KAZN: variants seen among roughly 807,000 people sequenced by gnomAD.
KAZN encodes kazrin.
Under a neutral mutation model 87.4 loss-of-function variants are expected in KAZN, and 40 were observed. The ratio of observed to expected loss-of-function variants is 0.46; its 90% confidence interval spans 0.36 to 0.60. The LOEUF (loss-of-function observed/expected upper bound fraction) is 0.60, where lower values mean the gene tolerates loss of function less well. KAZN is among the 20% of genes least tolerant of loss of function. The pLI is 0.00. For missense variants in KAZN, 898 were observed against 1,073.9 expected, an observed-to-expected ratio of 0.84 and a Z score of 2.29; for synonymous variants, 466 against 458.3, an observed-to-expected ratio of 1.02 and a Z score of -0.22.
At chr1:14,295,217 T>C (rs1654020358) in intron 2 of KAZN, among the ~76,000 whole-genome samples, 1 of 152,232 alleles carries the variant, frequency 6.6e-6, no homozygotes, top group Non-Finnish European at 1.5e-5. Context: ...TATCAGGCCC[T>C]GATGACATTT....
chr1:14,614,206 T>C (rs1434978501), intron 1 of KAZN, among the ~76,000 whole-genome samples: 2 of 152,202 alleles, frequency 1.3e-5, no homozygotes, highest in East Asian at 3.9e-4. Context: ...AATGGCCTAA[T>C]CTCTCCAGCA....
intron 1 of KAZN, among the ~76,000 whole-genome samples, chr1:14,718,843 AG>A (rs1642945448): frequency 6.6e-6 from 1 of 152,158 alleles, no homozygotes; most frequent in South Asian, 2.1e-4. Flanking sequence ...CTGGATCCTT[AG>A]GGGACATCAT....
chr1:14,215,884 A>G (rs534298248), intron 2 of KAZN, among the ~76,000 whole-genome samples: 18 of 152,324 alleles, frequency 1.2e-4, no homozygotes, highest in African/African-American at 4.3e-4. Flanking sequence ...ATTAATGTTC[A>G]TCCAACTTCT....
intron 1 of KAZN, among the ~76,000 whole-genome samples, chr1:14,086,593 T>A (rs968163607): frequency 6.6e-6 from 1 of 152,254 alleles, no homozygotes; most frequent in Non-Finnish European, 1.5e-5. Flanking sequence ...TTTAAGTTTT[T>A]AAGTTCTAAA....
At chr1:14,204,318 A>T (rs544966342) in intron 2 of KAZN, among the ~76,000 whole-genome samples, 1 of 152,366 alleles carries the variant, frequency 6.6e-6, no homozygotes, top group South Asian at 2.1e-4. Flanking sequence ...TGTATAGGAC[A>T]TGCCAGGATT....
intron 1 of KAZN, among the ~76,000 whole-genome samples, chr1:14,042,067 A>T (rs1437524999): frequency 6.6e-6 from 1 of 152,070 alleles, no homozygotes; most frequent in Non-Finnish European, 1.5e-5. Context: ...GGGAAATTTT[A>T]AAATGTTTTT....
chr1:15,050,085 GTAGAGTAC>G (rs1332424267), intron 4 of KAZN, among the ~76,000 whole-genome samples: 18 of 85,578 alleles, frequency 2.1e-4, no homozygotes, highest in South Asian at 8.8e-4. Context: ...GTAGAGTACA[GTAGAGTAC>G]AGTAGAGTAG....
At chr1:14,436,425 G>C (rs1666386935) in intron 2 of KAZN, among the ~76,000 whole-genome samples, 1 of 152,040 alleles carries the variant, frequency 6.6e-6, no homozygotes, top group African/African-American at 2.4e-5. Flanking sequence ...CTTTGTGCCA[G>C]GCACTGATAT....
At chr1:14,221,598 C>T (rs1315010577) in intron 2 of KAZN, among the ~76,000 whole-genome samples, 1 of 152,084 alleles carries the variant, frequency 6.6e-6, no homozygotes, top group Non-Finnish European at 1.5e-5. Context: ...TATTTTCTGG[C>T]TTATTATAAT....
At chr1:14,933,080 G>T (rs1309702510) in intron 1 of KAZN, among the ~76,000 whole-genome samples, 1 of 152,048 alleles carries the variant, frequency 6.6e-6, no homozygotes, top group African/African-American at 2.4e-5. Flanking sequence ...GTAGTTGCAG[G>T]GTTCTGCACT....
At chr1:14,393,880 C>T (rs575292605) in intron 2 of KAZN, among the ~76,000 whole-genome samples, 1 of 149,136 alleles carries the variant, frequency 6.7e-6, no homozygotes, top group South Asian at 2.1e-4. Flanking sequence ...AAACTTTTAC[C>T]TGTAAACTCC....
chr1:14,900,172 G>A (rs1453861187), intron 1 of KAZN, among the ~76,000 whole-genome samples: 1 of 152,176 alleles, frequency 6.6e-6, no homozygotes, highest in Non-Finnish European at 1.5e-5. Flanking sequence ...GCTGCTGAGA[G>A]AAGCGAACAG....
At chr1:14,635,358 T>C (rs1679885986) in intron 1 of KAZN, among the ~76,000 whole-genome samples, 1 of 152,228 alleles carries the variant, frequency 6.6e-6, no homozygotes, top group African/African-American at 2.4e-5. Context: ...TGGGTATCAC[T>C]GGCACTTGCC....
At chr1:14,392,610 T>C (rs1299699354) in intron 2 of KAZN, among the ~76,000 whole-genome samples, 1 of 152,150 alleles carries the variant, frequency 6.6e-6, no homozygotes, top group Non-Finnish European at 1.5e-5. Flanking sequence ...CATTCTTTGT[T>C]GTGGGAGTGT....
intron 1 of KAZN, among the ~76,000 whole-genome samples, chr1:14,126,203 C>A (rs1330468621): frequency 6.6e-6 from 1 of 152,108 alleles, no homozygotes; most frequent in Non-Finnish European, 1.5e-5. Context: ...ACAGGTAGGA[C>A]TTTCAGTCAC....
intron 2 of KAZN, among the ~76,000 whole-genome samples, chr1:14,209,669 G>T (rs1015116664): frequency 6.6e-6 from 1 of 152,150 alleles, no homozygotes; most frequent in Non-Finnish European, 1.5e-5. Context: ...CTGGACCAAA[G>T]TTCCAATTAT....
chr1:14,541,997 A>T (rs1672842281), intron 2 of KAZN, among the ~76,000 whole-genome samples: 1 of 152,166 alleles, frequency 6.6e-6, no homozygotes, highest in Non-Finnish European at 1.5e-5. Context: ...GATACAGCAT[A>T]GAACATTTCC....
chr1:14,188,715 A>G (rs943527571), intron 2 of KAZN, among the ~76,000 whole-genome samples: 3 of 152,156 alleles, frequency 2.0e-5, no homozygotes, highest in Admixed American at 1.3e-4. Flanking sequence ...TCCATGGGCA[A>G]AGCATTTCTT....
chr1:14,653,495 ACCGG>A (rs1638580982), intron 1 of KAZN, among the ~76,000 whole-genome samples: 1 of 152,168 alleles, frequency 6.6e-6, no homozygotes, highest in South Asian at 2.1e-4. Flanking sequence ...GGGCGGCCAG[ACCGG>A]TCTCAGTTTT....
Sources: gnomAD v4.1 joint callset for allele counts (sites outside exome capture counted in the v4.1 genomes callset) on GRCh38, gnomAD v4.1.1 for gene constraint, MANE v1.5 for transcripts, NCBI Gene and HGNC (gene_info 2026-07-23, HGNC 2026-07-21) for gene names.